The following FRAS1 variants were observed in gnomAD, a reference collection of about 807,000 sequenced individuals.
FRAS1 encodes extracellular matrix organizing protein FRAS1.
FRAS1 carries 290 observed loss-of-function variants against 435.2 expected under a neutral mutation model. The observed-to-expected ratio is 0.67, with a 90% CI of 0.61 to 0.73. The LOEUF (loss-of-function observed/expected upper bound fraction) is 0.73, where lower values mean the gene tolerates loss of function less well. FRAS1 is among the 30% of genes least tolerant of loss of function. The pLI is 0.00. For synonymous variants in FRAS1, 1,800 were observed against 1,851.0 expected, an observed-to-expected ratio of 0.97 and a Z score of 0.71; for missense variants, 4,860 against 5,001.5, an observed-to-expected ratio of 0.97 and a Z score of 0.85.
chr4:78,081,727 G>T (rs1015481534), intron 2 of FRAS1, among the ~76,000 whole-genome samples: 2 of 152,140 alleles, frequency 1.3e-5, no homozygotes, highest in Non-Finnish European at 2.9e-5. Context: ...AAGGTAGACA[G>T]TTAAGGAAGT....
chr4:78,090,325 C>T (rs375798709), intron 2 of FRAS1, among the ~76,000 whole-genome samples: 2 of 152,304 alleles, frequency 1.3e-5, no homozygotes, highest in East Asian at 1.9e-4. Context: ...TAGCTATATG[C>T]TAATGCAGAA....
intron 20 of FRAS1, among the ~76,000 whole-genome samples, chr4:78,359,728 G>A (rs1490628487): frequency 6.6e-6 from 1 of 152,204 alleles, no homozygotes; most frequent in African/African-American, 2.4e-5. Flanking sequence ...GCACACTCGA[G>A]TATTTGTAAT....
intron 38 of FRAS1, among the ~76,000 whole-genome samples, chr4:78,434,263 T>C (rs970996238): frequency 1.3e-5 from 2 of 152,104 alleles, no homozygotes; most frequent in African/African-American, 2.4e-5. Context: ...AAGGCAAAAG[T>C]TGGATTTTGT....
intron 2 of FRAS1, among the ~76,000 whole-genome samples, chr4:78,129,676 C>A (rs535828441): frequency 1.3e-5 from 2 of 152,152 alleles, no homozygotes; most frequent in Admixed American, 1.3e-4. Context: ...AAGGAAAATT[C>A]AGAACCCTGA....
chr4:78,255,177 T>C, intron 5 of FRAS1, 65 bp from the exon 6 acceptor site: 4 of 1,520,434 alleles, frequency 2.6e-6, no homozygotes, highest in Non-Finnish European at 3.6e-6. Context: ...TGCACGCCCA[T>C]GCAGTCAGCC....
chr4:78,517,057 C>T (rs1341216390), intron 66 of FRAS1, among the ~76,000 whole-genome samples: 1 of 152,170 alleles, frequency 6.6e-6, no homozygotes, highest in Non-Finnish European at 1.5e-5. Context: ...CAATTTTGAG[C>T]AGTTATCTCA....
intron 10 of FRAS1, among the ~76,000 whole-genome samples, chr4:78,279,856 T>A (rs188919465): frequency 3.0e-4 from 45 of 152,312 alleles, no homozygotes; most frequent in African/African-American, 8.7e-4. Context: ...CCACAGAATA[T>A]GTGCCAAGGC....
chr4:78,534,334 C>T, intron 70 of FRAS1, 115 bp from the exon 71 acceptor site: 1 of 747,176 alleles, frequency 1.3e-6, no homozygotes, highest in East Asian at 2.7e-5. Flanking sequence ...ATTTAGTGCC[C>T]ACAACAAAGC....
At chr4:78,320,211 A>G (rs922407869) in intron 18 of FRAS1, among the ~76,000 whole-genome samples, 1 of 152,136 alleles carries the variant, frequency 6.6e-6, no homozygotes, top group East Asian at 1.9e-4. Context: ...CCATGTATGC[A>G]TTGCCCAACC....
chr4:78,278,233 G>C, intron 9 of FRAS1, among the ~76,000 whole-genome samples: 1 of 152,228 alleles, frequency 6.6e-6, no homozygotes, highest in Non-Finnish European at 1.5e-5. Flanking sequence ...GGATGCATCT[G>C]ATTTTGTATT....
chr4:78,446,863 C>CA lies in FRAS1; in HGVS notation c.5999dup (p.Pro2001AlafsTer2), dbSNP rs1160753576. ...GATAATGAGCTCATTTTTGTATTGA[C>CA]AAAAAAGCCTGACCACGGTAGGGCA... On this transcript the variant is annotated frameshift_variant, in exon 43 of 74. Transcript: ENST00000512123. LOFTEE classifies it high-confidence loss of function. 2 of 1,609,490 alleles carry CA rather than the reference C, an allele frequency of 1.2e-6. No individual in the cohort carries two copies. The highest frequency in any genetic ancestry group is 1.7e-5 in the Admixed American group (1 of 59,394).
intron 9 of FRAS1, among the ~76,000 whole-genome samples, chr4:78,269,211 C>T (rs1271517610): frequency 3.9e-5 from 6 of 152,152 alleles, no homozygotes; most frequent in East Asian, 1.9e-4. Context: ...GAATAAGGCT[C>T]GTTATGACCT....
chr4:78,291,995 G>A (rs978819812), intron 14 of FRAS1, among the ~76,000 whole-genome samples: 3 of 152,144 alleles, frequency 2.0e-5, no homozygotes, highest in Non-Finnish European at 4.4e-5. Flanking sequence ...AAATGGGGAC[G>A]ATATTATCTA....
At chr4:78,491,247 A>G (rs1475523642) in intron 59 of FRAS1, among the ~76,000 whole-genome samples, 1 of 152,230 alleles carries the variant, frequency 6.6e-6, no homozygotes, top group Non-Finnish European at 1.5e-5. Flanking sequence ...AGCTGGTACC[A>G]TTACTTCTGA....
At chr4:78,406,103 G>T (rs1733084601) in intron 30 of FRAS1, among the ~76,000 whole-genome samples, 1 of 152,312 alleles carries the variant, frequency 6.6e-6, no homozygotes, top group Non-Finnish European at 1.5e-5. Flanking sequence ...AAGTTATTTA[G>T]CAGTGTAAAT....
rs201455808 is a variant in FRAS1 at position 78,266,842 on chromosome 4, G to A, written c.696G>A (p.Glu232=). The A allele has an allele frequency of 1.1e-5, 18 of 1,600,022 alleles. No homozygotes were observed. The East Asian group carries it at 4.0e-4, about 36-fold the overall frequency. ...TTCCTGTCTTCATGCAGCATGGTGAGCAGTGGAGCGAAAATGCCTGCACCA... is the reference window on the plus strand; with the variant it reads ...TTCCTGTCTTCATGCAGCATGGTGAACAGTGGAGCGAAAATGCCTGCACCA... ...SAAGQVYEHG[E]QWSENACTTC... The change falls in exon 8 of 74, where the codon GAG becomes GAA. Residue 232 remains glutamate (E), a synonymous_variant. Transcript: ENST00000512123.
Position 78,508,756 on chromosome 4 carries a change from A to G in FRAS1, c.9530A>G (p.His3177Arg). ...GTGGTCACACTTGCTGACTATGACC[A>G]TGTGGAAGAAGTTACCAAGGAAGGA... ...PIVVTLADYD[H>R]VEEVTKEGVK... The change falls in exon 63 of 74, where the codon CAT becomes CGT. Residue 3177 changes from histidine (H) to arginine (R), a missense_variant. His to Arg is a conservative substitution (Grantham distance 29). Transcript: ENST00000512123. The G allele has an allele frequency of 6.2e-7, 1 of 1,613,816 alleles. No individual in the cohort carries two copies. The highest frequency in any genetic ancestry group is 1.1e-5 in the South Asian group (1 of 91,022).
rs191647618 is a variant in FRAS1 at position 78,267,830 on chromosome 4, C to A, written c.981+398C>A. ...GTGGCCGGGCTCTTGCTGTAGGCCC[C>A]ACTGACAGCATTTAGCAGAACGAGA... is the stretch of plus-strand genomic sequence containing the variant. On this transcript the variant is annotated intron_variant, in intron 9 of 73. Transcript: ENST00000512123. Among the ~76,000 whole-genome samples the A allele has an allele frequency of 6.2e-3, 950 of 152,320 alleles. 9 individuals are homozygous for A. The highest frequency in any genetic ancestry group is 0.022 in the African/African-American group (905 of 41,570).
At chr4:78,366,332 C>G (rs1731266434) in intron 22 of FRAS1, among the ~76,000 whole-genome samples, 1 of 152,238 alleles carries the variant, frequency 6.6e-6, no homozygotes, top group Non-Finnish European at 1.5e-5. Context: ...AGTGCAGAGA[C>G]TCTTTTTCAC....
Sources: gnomAD v4.1 joint callset for allele counts (sites outside exome capture counted in the v4.1 genomes callset) on GRCh38, gnomAD v4.1.1 for gene constraint, MANE v1.5 for transcripts, NCBI Gene and HGNC (gene_info 2026-07-23, HGNC 2026-07-21) for gene names.